SHPK: variants seen among roughly 807,000 people sequenced by gnomAD.
The protein encoded by SHPK is carbohydrate kinase-like protein.
In SHPK, 51 loss-of-function variants were observed where a neutral mutation model predicts 46.3. The ratio of observed to expected loss-of-function variants is 1.10; its 90% CI spans 0.88 to 1.39. SHPK has a LOEUF of 1.39. SHPK is among the 40% of genes most tolerant of loss of function. SHPK has a pLI of 0.00. For missense variants in SHPK, 668 were observed against 641.3 expected (o/e 1.04, Z -0.45); for synonymous variants, 290 against 273.9 (o/e 1.06, Z -0.58).
chr17:3,634,535 G>GCACTCCA (rs983705090), intron 1 of SHPK, among the ~76,000 whole-genome samples: 1 of 139,150 alleles, frequency 7.2e-6, no homozygotes, highest in African/African-American at 2.8e-5. Flanking sequence ...TTGCACCACT[G>GCACTCCA]CACTCCAGCC....
At chr17:3,623,885 G>A (rs1031140581) in intron 3 of SHPK, among the ~76,000 whole-genome samples, 163 bp downstream of exon 3, 1 of 152,210 alleles carries the variant, frequency 6.6e-6, no homozygotes, top group African/African-American at 2.4e-5. Flanking sequence ...GCAAAAGGAC[G>A]TGGTTCTGGA....
Position 3,610,164 on chromosome 17 carries a change from C to A in SHPK, c.*396G>T. 1 of 174,164 alleles carries A rather than the reference C, an allele frequency of 5.7e-6. No homozygotes were observed. The highest frequency in any genetic ancestry group is 1.2e-5 in the Non-Finnish European group (1 of 80,588). The allele number at this position is 174,164 out of a possible 1,614,324, so 10.8% of individuals were successfully genotyped here. A position where few individuals can be genotyped will look rare whatever the true frequency, so the allele number is the denominator to read the frequency against. On this transcript the variant is annotated 3_prime_UTR_variant, in exon 7 of 7. Transcript: ENST00000225519. The stretch of plus-strand genomic sequence containing the variant: ...ATCACAAGCTGGGCATGGGGCAGTT[C>A]TCTTTTCCCACTTGGGACCAAAGCC...
In SHPK at chr17:3,608,618, C is replaced by T. The variant is rs1017678691; in HGVS notation, c.*1942G>A. 1.3e-5 allele frequency: 2 copies of T among 152,206 alleles called. No individual in the cohort carries two copies. Among genetic ancestry groups the T allele is most frequent in the Admixed American group, 1.3e-4 (2 of 15,270 alleles). 9.4% of individuals were successfully genotyped at this position (152,206 alleles called of 1,614,324 possible). ...CTTGGGAACTGTTTGAAGAATTTTC[C>T]ATTTAATATTGTCAGACCGTGGTTG... On this transcript the variant is annotated 3_prime_UTR_variant, in exon 7 of 7. Transcript: ENST00000225519.
At chr17:3,611,426 G>A (rs907009931) in intron 6 of SHPK, among the ~76,000 whole-genome samples, 14 of 152,286 alleles carry the variant, frequency 9.2e-5, no homozygotes, top group East Asian at 7.7e-4. Flanking sequence ...AAAATTAACC[G>A]GGCGTGGTGG....
intron 1 of SHPK, among the ~76,000 whole-genome samples, chr17:3,630,711 A>G (rs55824730): frequency 0.3 from 45,368 of 152,042 alleles, 7,444 homozygotes; most frequent in Non-Finnish European, 0.37. Flanking sequence ...AAAAATACAA[A>G]AAATTAGCCG....
At chr17:3,611,812 T>G (rs1031831818) in intron 6 of SHPK, among the ~76,000 whole-genome samples, 1 of 148,158 alleles carries the variant, frequency 6.7e-6, no homozygotes, top group East Asian at 2.0e-4. Flanking sequence ...TTTTTTTTTT[T>G]TTTTTTTTTC....
At chr17:3,620,151 T>C (rs2075391360) in intron 5 of SHPK, among the ~76,000 whole-genome samples, 1 of 152,158 alleles carries the variant, frequency 6.6e-6, no homozygotes, top group Non-Finnish European at 1.5e-5. Flanking sequence ...CGAAAATATT[T>C]ACAGAAAATA....
rs926807097 is a variant in SHPK, at chr17:3,609,286, T to A, written c.*1274A>T. ...CACATAATTTGTAAAATGACATTTA[T>A]AAAGAGACAATATGTTTCATACCTG... is the stretch of plus-strand genomic sequence containing the variant. On this transcript the variant is annotated 3_prime_UTR_variant, in exon 7 of 7. Coordinates refer to ENST00000225519, the MANE Select transcript of SHPK (RefSeq NM_013276.4). The A allele has an allele frequency of 1.3e-5, 2 of 151,448 alleles. No homozygotes were observed. Among genetic ancestry groups the A allele is most frequent in the Non-Finnish European group, 2.9e-5 (2 of 67,966 alleles). 9.4% of individuals were successfully genotyped at this position (151,448 alleles called of 1,614,324 possible).
chr17:3,626,165 T>C (rs972870322), intron 2 of SHPK, among the ~76,000 whole-genome samples: 4 of 152,212 alleles, frequency 2.6e-5, no homozygotes, highest in African/African-American at 9.6e-5. Context: ...TGGGATCTGA[T>C]CTTTTGCTCT....
At chr17:3,626,698 G>A (rs1178224657) in intron 2 of SHPK, among the ~76,000 whole-genome samples, 2 of 146,868 alleles carry the variant, frequency 1.4e-5, no homozygotes, top group Non-Finnish European at 3.0e-5. Flanking sequence ...CTCCAGCTTG[G>A]GCAACACAGC....
Position 3,610,280 on chromosome 17 carries a change from A to G in SHPK, c.*280T>C. ...AGCCTGCTGACCAGCAGGCTGGGCTACTGTGCTCTCATGCTCTCTCTCTCC... is the reference window on the plus strand; with the variant it reads ...AGCCTGCTGACCAGCAGGCTGGGCTGCTGTGCTCTCATGCTCTCTCTCTCC... On this transcript the variant is annotated 3_prime_UTR_variant, in exon 7 of 7. Transcript: ENST00000225519. 1 of 388,884 alleles carries G rather than the reference A, an allele frequency of 2.6e-6. No homozygotes were observed. The highest frequency in any genetic ancestry group is 3.8e-5 in the South Asian group (1 of 26,540). The allele number at this position is 388,884 out of a possible 1,614,324, so 24.1% of individuals were successfully genotyped here.
chr17:3,611,112 G>C, intron 6 of SHPK, 140 bp from the exon 7 acceptor site: 1 of 797,998 alleles, frequency 1.3e-6, no homozygotes, highest in African/African-American at 1.7e-5. Flanking sequence ...TGGGCTCAGG[G>C]ACTGCTATAG....
At chr17:3,619,748 A>C (rs2075389151) in intron 5 of SHPK, 1 of 377,200 alleles carries the variant, frequency 2.7e-6, no homozygotes, top group African/African-American at 2.2e-5. Context: ...AAAAAAAAAA[A>C]TTTGGAAGAA....
rs913792209 is a variant in SHPK at position 3,622,851 on chromosome 17, C to T, written c.647+488G>A. Among the ~76,000 whole-genome samples the T allele has an allele frequency of 1.1e-4, 16 of 152,002 alleles. 1 individual carries two copies. Among genetic ancestry groups the T allele is most frequent in the Admixed American group, 2.6e-4 (4 of 15,254 alleles). On this transcript the variant is annotated intron_variant, in intron 4 of 6. Transcript: ENST00000225519. ...TCCAGAGTAGCTGGGATTACAGGCG[C>T]ACTCCACCACGCCCAGCTAATTTTT...
In SHPK at chr17:3,636,222, T is replaced by G. The variant is rs774038642; in HGVS notation, c.-3A>C. 6.2e-7 allele frequency: 1 copy of G among 1,600,200 alleles called. No individual in the cohort carries two copies. The highest frequency in any genetic ancestry group is 8.5e-7 in the Non-Finnish European group (1 of 1,170,858). On this transcript the variant is annotated 5_prime_UTR_variant, in exon 1 of 7. Coordinates refer to ENST00000225519, the MANE Select transcript of SHPK (RefSeq NM_013276.4). ...AGGGTGATCGGCCGCGCAGCCATTA[T>G]CTCCCTGACCCGCGCAGCTCCAGTC...
chr17:3,630,623 C>T lies in SHPK; in HGVS notation c.169-277G>A, dbSNP rs113408118. 2.6e-3 allele frequency among the ~76,000 whole-genome samples: 396 copies of T among 152,284 alleles called. 4 individuals are homozygous for T. Among genetic ancestry groups the T allele is most frequent in the African/African-American group, 8.4e-3 (348 of 41,554 alleles). On this transcript the variant is annotated intron_variant, in intron 1 of 6. Coordinates refer to ENST00000225519, the MANE Select transcript of SHPK (RefSeq NM_013276.4). ...CCTATAATCCCAGCACTTTGGGAGGCCAAGGTGGGTGGATCACCTGAGGTC... is the reference window on the plus strand; with the variant it reads ...CCTATAATCCCAGCACTTTGGGAGGTCAAGGTGGGTGGATCACCTGAGGTC...
intron 4 of SHPK, among the ~76,000 whole-genome samples, chr17:3,622,354 C>T (rs2075408130): frequency 6.6e-6 from 1 of 152,182 alleles, no homozygotes; most frequent in South Asian, 2.1e-4. Context: ...AGTCCAGCCT[C>T]CCATGTTTGA....
chr17:3,623,571 G>C (rs1272506309), intron 3 of SHPK, 80 bp from the exon 4 acceptor site: 1 of 1,445,878 alleles, frequency 6.9e-7, no homozygotes, highest in Non-Finnish European at 9.7e-7. Context: ...CAGGCAGCAG[G>C]GACCAGCTGT....
chr17:3,631,898 C>T (rs889875372), intron 1 of SHPK, among the ~76,000 whole-genome samples: 1 of 152,024 alleles, frequency 6.6e-6, no homozygotes, highest in Non-Finnish European at 1.5e-5. Context: ...ATTAATTTCA[C>T]TTGTTTATTT....
Sources: allele counts gnomAD v4.1 joint callset (sites outside exome capture counted in the v4.1 genomes callset), GRCh38; gene constraint gnomAD v4.1.1; transcripts MANE v1.5; gene names NCBI Gene and HGNC (gene_info 2026-07-23, HGNC 2026-07-21).